The following ADGRD1 variants were observed in gnomAD, a reference collection of about 807,000 sequenced individuals.
ADGRD1 encodes G-protein coupled receptor 133.
In ADGRD1, 77 loss-of-function variants were observed where a neutral mutation model predicts 113.4. The observed-to-expected ratio is 0.68, with a 90% CI of 0.57 to 0.82. The LOEUF (loss-of-function observed/expected upper bound fraction) is 0.82, where lower values mean the gene tolerates loss of function less well. ADGRD1 is among the 40% of genes least tolerant of loss of function. The pLI, the probability that ADGRD1 is intolerant of heterozygous loss-of-function variation, is 0.00. For synonymous variants in ADGRD1, 474 were observed against 475.0 expected (o/e 1.00, Z 0.03); for missense variants, 1,036 against 1,139.1 (o/e 0.91, Z 1.30).
intron 4 of ADGRD1, among the ~76,000 whole-genome samples, chr12:130,973,947 G>T (rs776549931): frequency 6.6e-6 from 1 of 152,176 alleles, no homozygotes; most frequent in Non-Finnish European, 1.5e-5. Context: ...GAAAAGAAAG[G>T]AAACAAAGTC....
At chr12:131,088,115 G>A (rs1886622514) in intron 15 of ADGRD1, among the ~76,000 whole-genome samples, 1 of 152,322 alleles carries the variant, frequency 6.6e-6, no homozygotes, top group Admixed American at 6.5e-5. Flanking sequence ...CTGCCCCCAT[G>A]GAGAGCACCT....
intron 4 of ADGRD1, among the ~76,000 whole-genome samples, chr12:130,980,294 C>T (rs1312689588): frequency 7.3e-5 from 11 of 151,448 alleles, no homozygotes; most frequent in Admixed American, 2.6e-4. Flanking sequence ...TTAGTAGAGA[C>T]GGGGTTTCAC....
intron 18 of ADGRD1, 33 bp downstream of exon 18, chr12:131,108,910 C>T (rs374006384): frequency 6.8e-5 from 18 of 266,346 alleles, no homozygotes; most frequent in African/African-American, 4.3e-4. Flanking sequence ...GATGGCGGGG[C>T]GGGAGGGACA....
intron 21 of ADGRD1, among the ~76,000 whole-genome samples, chr12:131,133,089 C>T (rs1200214669): frequency 1.3e-5 from 2 of 152,136 alleles, no homozygotes; most frequent in East Asian, 1.9e-4. Flanking sequence ...GAGATCACGT[C>T]CTTTCCTCTT....
chr12:131,129,570 A>G (rs574974481), intron 20 of ADGRD1, among the ~76,000 whole-genome samples: 103 of 152,100 alleles, frequency 6.8e-4, no homozygotes, highest in African/African-American at 2.4e-3. Context: ...GTTACAGATG[A>G]GGCCCCCGCC....
intron 13 of ADGRD1, among the ~76,000 whole-genome samples, chr12:131,053,470 TAG>T (rs1417632191): frequency 6.6e-6 from 1 of 152,236 alleles, no homozygotes; most frequent in Non-Finnish European, 1.5e-5. Context: ...CATAGTGATT[TAG>T]AGAGGACCTG....
At chr12:130,982,773 G>A (rs977482673) in intron 5 of ADGRD1, among the ~76,000 whole-genome samples, 2 of 152,160 alleles carry the variant, frequency 1.3e-5, no homozygotes, top group Non-Finnish European at 2.9e-5. Flanking sequence ...AGACATGGAC[G>A]TGGGGCAGTA....
chr12:131,102,512 C>T (rs900698635), intron 15 of ADGRD1, among the ~76,000 whole-genome samples: 3 of 152,208 alleles, frequency 2.0e-5, no homozygotes, highest in Non-Finnish European at 4.4e-5. Flanking sequence ...CTCGGGCCCC[C>T]GGGAGGCCCC....
At chr12:131,123,575 A>G (rs921697303) in intron 20 of ADGRD1, among the ~76,000 whole-genome samples, 1 of 151,706 alleles carries the variant, frequency 6.6e-6, no homozygotes, top group Non-Finnish European at 1.5e-5. Context: ...TAATCCCAGC[A>G]CTTTGGGAGG....
intron 20 of ADGRD1, among the ~76,000 whole-genome samples, chr12:131,131,455 T>C (rs1950925670): frequency 1.3e-5 from 2 of 152,220 alleles, no homozygotes; most frequent in African/African-American, 2.4e-5. Flanking sequence ...TGGCCCAGGC[T>C]CATGCCCTCA....
chr12:131,136,032 TCCAGGTTGACAG>T lies in ADGRD1; in HGVS notation c.2268-1_2278del. 4 of 1,614,060 alleles carry T rather than the reference TCCAGGTTGACAG, an allele frequency of 2.5e-6. No homozygotes were observed. Among genetic ancestry groups the T allele is most frequent in the Non-Finnish European group, 3.4e-6 (4 of 1,179,956 alleles). On this transcript the variant is annotated splice_acceptor_variant and splice_polypyrimidine_tract_variant and coding_sequence_variant and intron_variant, in exon 22 of 25. Coordinates refer to ENST00000261654, the MANE Select transcript of ADGRD1 (RefSeq NM_198827.5). LOFTEE classifies it high-confidence loss of function. The stretch of plus-strand genomic sequence containing the variant: ...CTCAGGGTGACTGTCACTGTTTCTC[TCCAGGTTGACAG>T]CCAAGGCAGTGGCCGTGCTGCTGCC...
At chr12:130,955,782 A>T (rs201250576) in intron 2 of ADGRD1, among the ~76,000 whole-genome samples, 2 of 151,438 alleles carry the variant, frequency 1.3e-5, no homozygotes, top group African/African-American at 2.4e-5. Context: ...TAAAAAAATT[A>T]TTTTTGTTTT....
At chr12:131,134,920 C>G (rs890006543) in intron 21 of ADGRD1, among the ~76,000 whole-genome samples, 2 of 152,220 alleles carry the variant, frequency 1.3e-5, no homozygotes, top group African/African-American at 4.8e-5. Context: ...AACCCACAGT[C>G]TATGAGGGAG....
intron 13 of ADGRD1, 110 bp from the exon 14 acceptor site, chr12:131,076,691 G>C: frequency 1.2e-6 from 1 of 862,514 alleles, no homozygotes; most frequent in Non-Finnish European, 2.0e-6. Flanking sequence ...GGCTATGCCT[G>C]TCCCTACCTG....
chr12:131,025,308 T>G (rs914874882), intron 13 of ADGRD1, among the ~76,000 whole-genome samples: 1 of 152,182 alleles, frequency 6.6e-6, no homozygotes, highest in African/African-American at 2.4e-5. Flanking sequence ...TGAAGGTTGC[T>G]TTTATATTTC....
intron 14 of ADGRD1, among the ~76,000 whole-genome samples, chr12:131,083,529 C>T (rs530256625): frequency 4.1e-4 from 63 of 152,238 alleles, no homozygotes; most frequent in African/African-American, 1.4e-3. Context: ...ATCACGTGAG[C>T]GCAGGAGGTC....
intron 16 of ADGRD1, among the ~76,000 whole-genome samples, chr12:131,105,409 G>A (rs1395220756): frequency 1.3e-5 from 2 of 152,234 alleles, no homozygotes; most frequent in African/African-American, 2.4e-5. Flanking sequence ...GCCGCCATGC[G>A]GGGACCTGGG....
rs542692322 is a variant in ADGRD1, at chr12:131,075,088, G to A, written c.1474-1713G>A. Among the ~76,000 whole-genome samples the A allele has an allele frequency of 1.3e-5, 2 of 152,320 alleles. No individual in the cohort carries two copies. The highest frequency in any genetic ancestry group is 2.9e-5 in the Non-Finnish European group (2 of 68,034). ...CCTCACTCCTGAGAAGCCTTGCCACGTGTTGATGTGTATGGGTCTGGCTGC... is the reference window on the plus strand; with the variant it reads ...CCTCACTCCTGAGAAGCCTTGCCACATGTTGATGTGTATGGGTCTGGCTGC... On this transcript the variant is annotated intron_variant, in intron 13 of 24. Coordinates refer to ENST00000261654, the MANE Select transcript of ADGRD1 (RefSeq NM_198827.5). This position sits in a 1 kb window ranked among gnomAD's most constrained non-coding sequence, Gnocchi z 5.3.
At chr12:131,036,790 G>T (rs1192872080) in intron 13 of ADGRD1, among the ~76,000 whole-genome samples, 99 of 67,904 alleles carry the variant, frequency 1.5e-3, no homozygotes, top group East Asian at 3.2e-3. Context: ...CCTCACTCAC[G>T]GCACTGGGTC....
Sources: allele counts gnomAD v4.1 joint callset (sites outside exome capture counted in the v4.1 genomes callset), GRCh38; gene constraint gnomAD v4.1.1; non-coding constraint Gnocchi (gnomAD v3.1); transcripts MANE v1.5; gene names NCBI Gene and HGNC (gene_info 2026-07-23, HGNC 2026-07-21).